FAM227B: variants seen among roughly 807,000 people sequenced by gnomAD.
FAM227B encodes family with sequence similarity 227 member B.
Under a neutral mutation model 73.8 loss-of-function variants are expected in FAM227B, and 88 were observed. That is an observed-to-expected ratio of 1.19 (90% CI 1.00 to 1.42). The LOEUF (loss-of-function observed/expected upper bound fraction) is 1.42, where lower values mean the gene tolerates loss of function less well. FAM227B is among the 40% of genes most tolerant of loss of function. FAM227B has a pLI of 0.00. For missense variants in FAM227B, 632 were observed against 590.9 expected, an observed-to-expected ratio of 1.07 and a Z score of -0.72; for synonymous variants, 210 against 190.5, an observed-to-expected ratio of 1.10 and a Z score of -0.84.
chr15:49,336,374 AATTGGCCAGT>A (rs1350069229), intron 13 of FAM227B, among the ~76,000 whole-genome samples: 1 of 152,218 alleles, frequency 6.6e-6, no homozygotes, highest in Non-Finnish European at 1.5e-5. Context: ...TTGAAGTGGC[AATTGGCCAGT>A]ATTGGCCAAT....
In FAM227B at chr15:49,472,024, A is replaced by C. The variant is rs1228777180; in HGVS notation, c.1012+36187T>G. Among the ~76,000 whole-genome samples the C allele has an allele frequency of 6.6e-5, 10 of 151,184 alleles. No individual in the cohort carries two copies. In the South Asian group the frequency reaches 1.9e-3, roughly 28 times the overall value. On this transcript the variant is annotated intron_variant, in intron 11 of 15. Coordinates refer to ENST00000299338, the MANE Select transcript of FAM227B (RefSeq NM_152647.3). ...TTATCTCATGACTTTAGAAGTGAAAAAAAAAAAAAAGCTGTGAAAGTAAAC... is the reference window on the plus strand; with the variant it reads ...TTATCTCATGACTTTAGAAGTGAAACAAAAAAAAAAGCTGTGAAAGTAAAC...
At chr15:49,570,533 T>C (rs1170521469) in intron 8 of FAM227B, among the ~76,000 whole-genome samples, 1 of 151,868 alleles carries the variant, frequency 6.6e-6, no homozygotes, top group Non-Finnish European at 1.5e-5. Context: ...GTATTATTTA[T>C]TGTGGTCACC....
intron 11 of FAM227B, among the ~76,000 whole-genome samples, chr15:49,498,768 T>C (rs2057854102): frequency 2.6e-5 from 4 of 152,272 alleles, no homozygotes; most frequent in South Asian, 4.1e-4. Flanking sequence ...AATAAAGGGA[T>C]GGAAAAGGAT....
At chr15:49,543,444 C>G (rs1023720201) in intron 9 of FAM227B, among the ~76,000 whole-genome samples, 5 of 152,080 alleles carry the variant, frequency 3.3e-5, no homozygotes, top group Admixed American at 6.5e-5. Flanking sequence ...AATGTTTGCA[C>G]CGACTCAGGA....
intron 11 of FAM227B, among the ~76,000 whole-genome samples, chr15:49,503,199 T>C (rs1342848137): frequency 6.6e-6 from 1 of 152,166 alleles, no homozygotes; most frequent in South Asian, 2.1e-4. Context: ...TAATAAATGG[T>C]GCTGGGAAAA....
chr15:49,457,473 T>C (rs1185439726), intron 11 of FAM227B, among the ~76,000 whole-genome samples: 2 of 152,016 alleles, frequency 1.3e-5, no homozygotes, highest in Non-Finnish European at 2.9e-5. Flanking sequence ...GACTGAACTT[T>C]TCAGTAAAAT....
intron 11 of FAM227B, among the ~76,000 whole-genome samples, chr15:49,449,867 G>A: frequency 6.6e-6 from 1 of 152,034 alleles, no homozygotes; most frequent in East Asian, 1.9e-4. Context: ...TAGAGATACT[G>A]TCATCCTGTG....
At chr15:49,536,810 A>G (rs1377350115) in intron 10 of FAM227B, among the ~76,000 whole-genome samples, 1 of 152,000 alleles carries the variant, frequency 6.6e-6, no homozygotes, top group Non-Finnish European at 1.5e-5. Flanking sequence ...AAAGAACACA[A>G]TGAGGAAAAG....
chr15:49,330,317 CAG>C (rs1862717761), intron 15 of FAM227B: 1 of 152,158 alleles, frequency 6.6e-6, no homozygotes, highest in Admixed American at 6.5e-5. Flanking sequence ...GCATTTAGAT[CAG>C]GGGTTATAGC....
intron 3 of FAM227B, among the ~76,000 whole-genome samples, chr15:49,598,558 T>C (rs1335343468): frequency 6.6e-6 from 1 of 152,024 alleles, no homozygotes; most frequent in Non-Finnish European, 1.5e-5. Flanking sequence ...CATTTTTCAC[T>C]ATTGATTATG....
intron 11 of FAM227B, among the ~76,000 whole-genome samples, chr15:49,496,637 T>C (rs536000615): frequency 1.3e-5 from 2 of 152,282 alleles, no homozygotes; most frequent in East Asian, 3.9e-4. Flanking sequence ...CCACTGTGTG[T>C]TTATTTCATT....
At chr15:49,567,668 T>C (rs772671722) in intron 9 of FAM227B, among the ~76,000 whole-genome samples, 6 of 152,140 alleles carry the variant, frequency 3.9e-5, no homozygotes, top group Non-Finnish European at 5.9e-5. Flanking sequence ...GAATATGACT[T>C]GTGTTTTGAA....
At position 49,511,764 on chromosome 15, in the gene FAM227B, T is replaced by C. The variant is rs529415086; in HGVS notation, c.875-3416A>G. Among the ~76,000 whole-genome samples, 164 of 152,288 alleles carry C rather than the reference T, an allele frequency of 1.1e-3. 1 individual carries two copies. Among genetic ancestry groups the C allele is most frequent in the African/African-American group, 3.8e-3 (160 of 41,572 alleles). Reference sequence around the variant, plus strand: ...AAAACAGCTTCCAGATGCATCCATATCCTTGCAAAGGACATTATCTCGTTC... The same window carrying C: ...AAAACAGCTTCCAGATGCATCCATACCCTTGCAAAGGACATTATCTCGTTC... On this transcript the variant is annotated intron_variant, in intron 10 of 15. Coordinates refer to ENST00000299338, the MANE Select transcript of FAM227B (RefSeq NM_152647.3).
In FAM227B at chr15:49,508,362, A is replaced by C. The variant is rs1313559318; in HGVS notation, c.875-14T>G. Reference sequence around the variant, plus strand: ...GAGGTTTTAAACCTGTTAATATAAAATACATATTTAGCCAAATAAATTTGG... The same window carrying C: ...GAGGTTTTAAACCTGTTAATATAAACTACATATTTAGCCAAATAAATTTGG... On this transcript the variant is annotated splice_polypyrimidine_tract_variant and intron_variant, in intron 10 of 15. Transcript: ENST00000299338. 4 of 1,554,264 alleles carry C rather than the reference A, an allele frequency of 2.6e-6. No individual in the cohort carries two copies. In the African/African-American group the frequency reaches 4.2e-5, roughly 16 times the overall value.
intron 11 of FAM227B, among the ~76,000 whole-genome samples, chr15:49,443,449 T>C (rs1036762504): frequency 4.6e-5 from 7 of 151,618 alleles, no homozygotes; most frequent in Non-Finnish European, 1.0e-4. Context: ...TGGCCAATGC[T>C]ACAAATCAGG....
At chr15:49,402,201 A>G (rs912869654) in intron 11 of FAM227B, among the ~76,000 whole-genome samples, 2 of 152,132 alleles carry the variant, frequency 1.3e-5, no homozygotes, top group Non-Finnish European at 2.9e-5. Flanking sequence ...CAAGACAAGC[A>G]AAGGGCATGA....
At chr15:49,547,542 G>A (rs556894137) in intron 9 of FAM227B, among the ~76,000 whole-genome samples, 14 of 152,214 alleles carry the variant, frequency 9.2e-5, no homozygotes, top group East Asian at 7.7e-4. Context: ...CCCATCTCAA[G>A]TGCAGAGACA....
At chr15:49,510,263 A>T (rs1329578302) in intron 10 of FAM227B, among the ~76,000 whole-genome samples, 1 of 152,144 alleles carries the variant, frequency 6.6e-6, no homozygotes, top group African/African-American at 2.4e-5. Context: ...CAGCATTTAC[A>T]TTATTGTAAC....
intron 10 of FAM227B, among the ~76,000 whole-genome samples, chr15:49,514,946 G>A (rs1414372634): frequency 2.0e-5 from 3 of 152,042 alleles, no homozygotes; most frequent in African/African-American, 7.2e-5. Flanking sequence ...TAGAAGATTT[G>A]AATCAAAGTT....
Sources: allele counts gnomAD v4.1 joint callset (sites outside exome capture counted in the v4.1 genomes callset), GRCh38; gene constraint gnomAD v4.1.1; transcripts MANE v1.5; gene names NCBI Gene and HGNC (gene_info 2026-07-23, HGNC 2026-07-21).